Variants in STRN observed in about 807,000 individuals in gnomAD.
STRN encodes the protein striatin, also known as protein phosphatase 2 regulatory subunit B'''alpha.
A neutral mutation model predicts 96.3 loss-of-function variants in STRN; 53 were observed. That is an observed-to-expected ratio of 0.55 (90% CI 0.44 to 0.69). The LOEUF (loss-of-function observed/expected upper bound fraction) is 0.69, where lower values mean the gene tolerates loss of function less well. STRN is among the 30% of genes least tolerant of loss of function. STRN has a pLI of 0.00. For synonymous variants in STRN, 428 were observed against 355.9 expected, an observed-to-expected ratio of 1.20 and a Z score of -2.28; for missense variants, 987 against 963.9, an observed-to-expected ratio of 1.02 and a Z score of -0.32.
At chr2:36,881,778 T>C (rs952954874) in intron 9 of STRN, among the ~76,000 whole-genome samples, 1 of 152,238 alleles carries the variant, frequency 6.6e-6, no homozygotes, top group Non-Finnish European at 1.5e-5. Flanking sequence ...TTATTAGAAT[T>C]CTGCATAATT....
intron 1 of STRN, among the ~76,000 whole-genome samples, chr2:36,956,896 C>T (rs1052104110): frequency 3.3e-5 from 5 of 152,070 alleles, no homozygotes; most frequent in African/African-American, 1.2e-4. Flanking sequence ...TTATGGTGCC[C>T]CACAACAATT....
intron 1 of STRN, among the ~76,000 whole-genome samples, chr2:36,959,063 C>A (rs1188311385): frequency 6.6e-6 from 1 of 152,140 alleles, no homozygotes; most frequent in African/African-American, 2.4e-5. Flanking sequence ...TTGCAGTGAG[C>A]CGAGATTGTG....
chr2:36,937,887 A>C (rs1295269040), intron 1 of STRN, among the ~76,000 whole-genome samples: 5 of 152,164 alleles, frequency 3.3e-5, no homozygotes, highest in Non-Finnish European at 2.9e-5. Context: ...TATTCTTTAA[A>C]AGGACTTCAT....
intron 7 of STRN, 76 bp downstream of exon 7, chr2:36,893,822 A>T: frequency 6.7e-7 from 1 of 1,492,844 alleles, no homozygotes; most frequent in South Asian, 1.4e-5. Context: ...TATAGTTAAG[A>T]TGTTGCCCTC....
intron 1 of STRN, among the ~76,000 whole-genome samples, chr2:36,937,343 A>C (rs1670728749): frequency 1.8e-4 from 1 of 5,622 alleles, no homozygotes; most frequent in Non-Finnish European, 2.4e-3. Context: ...AGACTGTCTC[A>C]AAAAAAAAAA....
At chr2:36,922,050 G>A (rs1165662101) in intron 2 of STRN, among the ~76,000 whole-genome samples, 1 of 152,210 alleles carries the variant, frequency 6.6e-6, no homozygotes, top group South Asian at 2.1e-4. Flanking sequence ...TTGCTCTTAG[G>A]AAATATACAC....
intron 7 of STRN, among the ~76,000 whole-genome samples, chr2:36,888,637 ATATGTGTG>A (rs1357391800): frequency 1.4e-5 from 1 of 70,154 alleles, no homozygotes; most frequent in African/African-American, 4.3e-5. Flanking sequence ...TTTTTAATTT[ATATGTGTG>A]TGTGTGTGTG....
chr2:36,854,017 T>C (rs1668282803), intron 15 of STRN, among the ~76,000 whole-genome samples: 1 of 152,218 alleles, frequency 6.6e-6, no homozygotes, highest in South Asian at 2.1e-4. Flanking sequence ...GAGTCACATC[T>C]CTTGGGGGAA....
intron 10 of STRN, among the ~76,000 whole-genome samples, chr2:36,874,513 A>C (rs549080470): frequency 5.3e-5 from 8 of 152,276 alleles, no homozygotes; most frequent in Admixed American, 1.3e-4. Flanking sequence ...ACTTCACAAA[A>C]GTGATGAAAA....
At position 36,913,693 on chromosome 2, in the gene STRN, A is replaced by G. The variant is rs552002287; in HGVS notation, c.412+2385T>C. On this transcript the variant is annotated intron_variant, in intron 3 of 17. Transcript: ENST00000263918. ...TGGTACTAGGTCTGAAAAACATTAT[A>G]TATATCATATTTATAAGATGAATGG... Among the ~76,000 whole-genome samples, 67 of 152,318 alleles carry G rather than the reference A, an allele frequency of 4.4e-4. 1 individual carries two copies. Among genetic ancestry groups the G allele is most frequent in the African/African-American group, 1.5e-3 (64 of 41,570 alleles).
chr2:36,946,163 A>C (rs2148260785), intron 1 of STRN, among the ~76,000 whole-genome samples: 1 of 150,416 alleles, frequency 6.6e-6, no homozygotes. Flanking sequence ...AAATATTTCC[A>C]GTTGATTTTT....
At chr2:36,947,123 C>A (rs776923254) in intron 1 of STRN, among the ~76,000 whole-genome samples, 4 of 152,096 alleles carry the variant, frequency 2.6e-5, no homozygotes, top group Non-Finnish European at 5.9e-5. Flanking sequence ...GTCTCCATCT[C>A]CTGAATTCAT....
chr2:36,921,694 T>A (rs3856493), intron 2 of STRN, among the ~76,000 whole-genome samples: 3,969 of 118,408 alleles, frequency 0.034, 84 homozygotes, highest in Non-Finnish European at 0.046. Context: ...CTACTTAAAA[T>A]TTTTTTTTTG....
At chr2:36,917,307 AG>A (rs1229949011) in intron 2 of STRN, among the ~76,000 whole-genome samples, 6 of 151,812 alleles carry the variant, frequency 4.0e-5, no homozygotes, top group Non-Finnish European at 8.8e-5. Context: ...GGATCACCAG[AG>A]GTCAGGAGTT....
At chr2:36,855,613 T>C (rs1668325150) in intron 14 of STRN, among the ~76,000 whole-genome samples, 1 of 152,184 alleles carries the variant, frequency 6.6e-6, no homozygotes. Flanking sequence ...AAGCCTTTAT[T>C]TAGAGAGCAA....
At chr2:36,886,964 T>C (rs901424671) in intron 7 of STRN, 138 bp from the exon 8 acceptor site, 6 of 569,610 alleles carry the variant, frequency 1.1e-5, no homozygotes, top group Admixed American at 3.5e-5. Context: ...TCATTTTATA[T>C]ATATAAGTCA....
chr2:36,956,646 G>A (rs1281506455), intron 1 of STRN, among the ~76,000 whole-genome samples: 1 of 152,206 alleles, frequency 6.6e-6, no homozygotes, highest in East Asian at 1.9e-4. Context: ...TTCATTGACT[G>A]CATAGCAAAG....
chr2:36,944,285 T>TA (rs1396139440), intron 1 of STRN, among the ~76,000 whole-genome samples: 1 of 152,172 alleles, frequency 6.6e-6, no homozygotes, highest in Non-Finnish European at 1.5e-5. Flanking sequence ...GAAAGACTGA[T>TA]ATCTAAGTTC....
At chr2:36,907,376 T>C (rs1426044091) in intron 3 of STRN, among the ~76,000 whole-genome samples, 1 of 152,124 alleles carries the variant, frequency 6.6e-6, no homozygotes, top group Non-Finnish European at 1.5e-5. Flanking sequence ...GGTGAAATCC[T>C]GTCTCTACTA....
Sources: gnomAD v4.1 joint callset for allele counts (sites outside exome capture counted in the v4.1 genomes callset) on GRCh38, gnomAD v4.1.1 for gene constraint, MANE v1.5 for transcripts, NCBI Gene and HGNC (gene_info 2026-07-23, HGNC 2026-07-21) for gene names.